The following EPAS1 variants were observed in gnomAD, a reference collection of about 807,000 sequenced individuals.
The protein encoded by EPAS1 is endothelial PAS domain-containing protein 1.
A neutral mutation model predicts 87.9 loss-of-function variants in EPAS1; 23 were observed. That is an observed-to-expected ratio of 0.26 (90% CI 0.19 to 0.37). The LOEUF (loss-of-function observed/expected upper bound fraction) is 0.37. Among genes scored for constraint, EPAS1 ranks in the 10% least tolerant of loss-of-function variants. The probability of loss-of-function intolerance (pLI) is 1.00; values close to 1 mark genes in which losing one functional copy is unlikely to be tolerated. For missense variants in EPAS1, 1,138 were observed against 1,120.7 expected (o/e 1.02, Z -0.22); for synonymous variants, 508 against 444.3 (o/e 1.14, Z -1.80).
intron 1 of EPAS1, among the ~76,000 whole-genome samples, chr2:46,329,850 C>A (rs1683640355): frequency 6.6e-6 from 1 of 152,146 alleles, no homozygotes; most frequent in African/African-American, 2.4e-5. Flanking sequence ...AACACACACA[C>A]ACATCCTTCT....
In EPAS1 at chr2:46,377,931, G is replaced by A. The variant is rs1345297849; in HGVS notation, c.1287G>A (p.Lys429=). ...TCGAGGAGTCCTCAGCCTATGGCAA[G>A]GCCATCCTGCCCCCGAGCCAGCCAT... is the stretch of plus-strand genomic sequence containing the variant. ...QNFEESSAYG[K]AILPPSQPWA... Residue 429 remains lysine (K), a synonymous_variant, in exon 10 of 16, where the codon AAG becomes AAA. Transcript: ENST00000263734. 1 of 1,555,182 alleles carries A rather than the reference G, an allele frequency of 6.4e-7. No individual in the cohort carries two copies. Among genetic ancestry groups the A allele is most frequent in the Non-Finnish European group, 8.7e-7 (1 of 1,148,910 alleles).
At chr2:46,339,375 C>A (rs1323811206) in intron 1 of EPAS1, among the ~76,000 whole-genome samples, 5 of 152,202 alleles carry the variant, frequency 3.3e-5, no homozygotes, top group East Asian at 1.9e-4. Flanking sequence ...TGTTTCTAAT[C>A]GTGCCACATG....
chr2:46,358,524 C>G (rs1490532361), intron 4 of EPAS1, among the ~76,000 whole-genome samples: 1 of 152,244 alleles, frequency 6.6e-6, no homozygotes, highest in Non-Finnish European at 1.5e-5. Context: ...AGTTCAGCCA[C>G]TGACCATAGT....
chr2:46,367,046 A>G (rs1473002405), intron 6 of EPAS1, among the ~76,000 whole-genome samples: 1 of 152,272 alleles, frequency 6.6e-6, no homozygotes, highest in Non-Finnish European at 1.5e-5. Context: ...GAATGAAGAA[A>G]GACATTAAAT....
At chr2:46,308,963 G>A (rs1683162250) in intron 1 of EPAS1, among the ~76,000 whole-genome samples, 1 of 152,166 alleles carries the variant, frequency 6.6e-6, no homozygotes. Context: ...TTGAAGGTTG[G>A]GGGTGGCGTA....
rs1439588189 is a variant in EPAS1, at chr2:46,385,130, C to T, written c.*470C>T. 1.2e-5 allele frequency: 2 copies of T among 170,316 alleles called. No homozygotes were observed. Among genetic ancestry groups the T allele is most frequent in the African/African-American group, 4.8e-5 (2 of 41,716 alleles). The allele number at this position is 170,316 out of a possible 1,614,324, so 10.6% of individuals were successfully genotyped here. ...TCCAAGCTTGGTTTGTGGCGTCTCCCTCGCAGAGCCCTTCTCGTTTCTTTT... is the reference window on the plus strand; with the variant it reads ...TCCAAGCTTGGTTTGTGGCGTCTCCTTCGCAGAGCCCTTCTCGTTTCTTTT... On this transcript the variant is annotated 3_prime_UTR_variant, in exon 16 of 16. Transcript: ENST00000263734.
At chr2:46,358,222 C>G (rs1468600223) in intron 4 of EPAS1, among the ~76,000 whole-genome samples, 1 of 152,224 alleles carries the variant, frequency 6.6e-6, no homozygotes, top group Admixed American at 6.5e-5. Flanking sequence ...AGAATCACAA[C>G]CACCTCCTCT....
intron 1 of EPAS1, among the ~76,000 whole-genome samples, chr2:46,330,286 T>A (rs902127861): frequency 2.6e-5 from 4 of 152,154 alleles, no homozygotes; most frequent in Non-Finnish European, 5.9e-5. Flanking sequence ...AGAATCCAGC[T>A]CCGTTTCTGA....
rs1057112966 is a variant in EPAS1, at chr2:46,382,405, C to G, written c.2288-20C>G. The stretch of plus-strand genomic sequence containing the variant: ...CCCTCAGGCCAATGCTACCGTCACT[C>G]TCTGACTTTGGTCTTTCAGATAAGT... On this transcript the variant is annotated intron_variant, in intron 14 of 15. Coordinates refer to ENST00000263734, the MANE Select transcript of EPAS1 (RefSeq NM_001430.5). 6.2e-7 allele frequency: 1 copy of G among 1,614,080 alleles called. No individual in the cohort carries two copies. The highest frequency in any genetic ancestry group is 8.5e-7 in the Non-Finnish European group (1 of 1,180,020).
In EPAS1 at chr2:46,382,007, G is replaced by A. The variant is rs1448671819; in HGVS notation, c.2205G>A (p.Leu735=). ...CACCTGGTGGCAGCACCTCACATTT[G>A]ATGTGGAAACGGATGAAGAACCTCA... ...GDPPGGSTSH[L]MWKRMKNLRG... The change falls in exon 14 of 16, where the codon TTG becomes TTA. Residue 735 remains leucine, a synonymous_variant. Transcript: ENST00000263734. 1.2e-6 allele frequency: 2 copies of A among 1,607,314 alleles called. No homozygotes were observed. Among genetic ancestry groups the A allele is most frequent in the Non-Finnish European group, 1.7e-6 (2 of 1,176,658 alleles).
chr2:46,337,444 C>A (rs4953351), intron 1 of EPAS1, among the ~76,000 whole-genome samples: 76,519 of 151,948 alleles, frequency 0.5, 20,130 homozygotes, highest in East Asian at 0.92. Context: ...GTAGCTAAGT[C>A]CCCCCTAGAG....
At chr2:46,382,791 GC>G (rs1684930814) in intron 15 of EPAS1, among the ~76,000 whole-genome samples, 193 bp downstream of exon 15, 2 of 152,288 alleles carry the variant, frequency 1.3e-5, no homozygotes, top group South Asian at 4.1e-4. Flanking sequence ...CAGTGATCAG[GC>G]CCCCCAGTGG....
intron 6 of EPAS1, among the ~76,000 whole-genome samples, chr2:46,361,775 C>T (rs1286441651): frequency 6.6e-6 from 1 of 152,150 alleles, no homozygotes; most frequent in African/African-American, 2.4e-5. Context: ...CCTAAGACTG[C>T]TTAGGCATGT....
At position 46,384,843 on chromosome 2, in the gene EPAS1, C is replaced by A; in HGVS notation, c.*183C>A. On this transcript the variant is annotated 3_prime_UTR_variant, in exon 16 of 16. Transcript: ENST00000263734. Reference sequence around the variant, plus strand: ...TTCTGAGATGCTCACTTTATTATCCCTATTTTTAAAGTACACAATTGTTTT... The same window carrying A: ...TTCTGAGATGCTCACTTTATTATCCATATTTTTAAAGTACACAATTGTTTT... 1 of 705,190 alleles carries A rather than the reference C, an allele frequency of 1.4e-6. No individual in the cohort carries two copies. The highest frequency in any genetic ancestry group is 2.7e-5 in the Admixed American group (1 of 37,264). 43.7% of individuals were successfully genotyped at this position (705,190 alleles called of 1,614,324 possible). A position where few individuals can be genotyped will look rare whatever the true frequency, so the allele number is the denominator to read the frequency against.
chr2:46,363,996 T>G (rs1405325926), intron 6 of EPAS1, among the ~76,000 whole-genome samples: 1 of 152,278 alleles, frequency 6.6e-6, no homozygotes. Flanking sequence ...GTGTTATATC[T>G]TAATTGCTTT....
rs1047541878 is a variant in EPAS1 at position 46,347,171 on chromosome 2, G to C, written c.217+108G>C. ...AGAGCTGGAAAGTCACCCCACTACA[G>C]AACTTTCACCCACAGAAACACCATC... is the stretch of plus-strand genomic sequence containing the variant. On this transcript the variant is annotated intron_variant, in intron 2 of 15. Transcript: ENST00000263734. This position sits in a 1 kb window ranked among gnomAD's most constrained non-coding sequence, Gnocchi z 4.2. The C allele has an allele frequency of 4.0e-6, 5 of 1,242,904 alleles. No homozygotes were observed. The East Asian group carries it at 1.2e-4, about 29-fold the overall frequency. 77.0% of individuals were successfully genotyped at this position (1,242,904 alleles called of 1,614,324 possible).
chr2:46,301,087 T>C (rs1489888140), intron 1 of EPAS1, among the ~76,000 whole-genome samples: 1 of 152,250 alleles, frequency 6.6e-6, no homozygotes, highest in Non-Finnish European at 1.5e-5. Context: ...ATTTAAGTTT[T>C]AATTCATACA....
intron 6 of EPAS1, 49 bp from the exon 7 acceptor site, chr2:46,369,778 A>C (rs905869709): frequency 1.4e-6 from 2 of 1,408,278 alleles, no homozygotes; most frequent in Non-Finnish European, 2.0e-6. Context: ...ATGCTGTGCT[A>C]AGTTAATATG....
At chr2:46,366,501 T>C (rs1338424267) in intron 6 of EPAS1, among the ~76,000 whole-genome samples, 1 of 152,046 alleles carries the variant, frequency 6.6e-6, no homozygotes, top group Non-Finnish European at 1.5e-5. Context: ...GCTGACTATC[T>C]ATCTGCATCT....
Sources: allele counts gnomAD v4.1 joint callset (sites outside exome capture counted in the v4.1 genomes callset), GRCh38; gene constraint gnomAD v4.1.1; non-coding constraint Gnocchi (gnomAD v3.1); transcripts MANE v1.5; gene names NCBI Gene and HGNC (gene_info 2026-07-23, HGNC 2026-07-21).